The following PLCH1 variants were observed in gnomAD, a reference collection of about 807,000 sequenced individuals.
The protein encoded by PLCH1 is phospholipase C eta 1, also known as 1-phosphatidylinositol 4,5-bisphosphate phosphodiesterase eta-1.
Under a neutral mutation model 126.7 loss-of-function variants are expected in PLCH1, and 60 were observed. That is an observed-to-expected ratio of 0.47 (90% CI 0.38 to 0.59). The LOEUF (loss-of-function observed/expected upper bound fraction) is 0.59. Ranked by LOEUF, PLCH1 falls within the 20% of genes least tolerant of loss-of-function variation. The pLI, the probability that PLCH1 is intolerant of heterozygous loss-of-function variation, is 0.00. For synonymous variants in PLCH1, 719 were observed against 734.9 expected, an observed-to-expected ratio of 0.98 and a Z score of 0.35; for missense variants, 1,723 against 2,040.0, an observed-to-expected ratio of 0.84 and a Z score of 2.99.
chr3:155,535,327 T>C (rs1723205498), intron 10 of PLCH1, among the ~76,000 whole-genome samples: 1 of 152,030 alleles, frequency 6.6e-6, no homozygotes, highest in Non-Finnish European at 1.5e-5. Context: ...ACAGAGGCCA[T>C]GGCAGGTGGG....
rs760058547 is a variant in PLCH1, at chr3:155,596,275, T to C, written c.183A>G (p.Thr61=). 1 of 1,613,374 alleles carries C rather than the reference T, an allele frequency of 6.2e-7. No individual in the cohort carries two copies. Among genetic ancestry groups the C allele is most frequent in the Admixed American group, 1.7e-5 (1 of 59,974 alleles). Residue 61 remains threonine, a synonymous_variant, in exon 3 of 23, where the codon ACA becomes ACG. Coordinates refer to ENST00000460012, the MANE Select transcript of PLCH1 (RefSeq NM_014996.4). ...TCCTAGAGGGTCGCCATCGGAGGCGTGTCCGGTGCTCATCCAGGTAAAAGA... is the reference window on the plus strand; with the variant it reads ...TCCTAGAGGGTCGCCATCGGAGGCGCGTCCGGTGCTCATCCAGGTAAAAGA... ...VRLFYLDEHR[T]RLRWRPSRKS...
chr3:155,514,312 G>A (rs1418522456), intron 12 of PLCH1, among the ~76,000 whole-genome samples: 1 of 152,110 alleles, frequency 6.6e-6, no homozygotes, highest in Admixed American at 6.5e-5. Context: ...ATCCAAGGGC[G>A]GTCACCCCCA....
chr3:155,671,424 G>A (rs557167504), intron 2 of PLCH1, among the ~76,000 whole-genome samples: 4 of 152,254 alleles, frequency 2.6e-5, no homozygotes, highest in African/African-American at 9.6e-5. Context: ...CGGTTACTTT[G>A]ATGAGCATTT....
At chr3:155,729,557 G>A (rs1172735912) in intron 1 of PLCH1, among the ~76,000 whole-genome samples, 2 of 152,150 alleles carry the variant, frequency 1.3e-5, no homozygotes, top group African/African-American at 4.8e-5. Flanking sequence ...TCTGTTCCTG[G>A]TTATAAAAGG....
At chr3:155,592,940 C>T (rs1732404155) in intron 4 of PLCH1, among the ~76,000 whole-genome samples, 1 of 152,084 alleles carries the variant, frequency 6.6e-6, no homozygotes. Flanking sequence ...TTGATGAAAA[C>T]CTCATGGCTC....
chr3:155,736,639 T>C (rs1056691561), intron 1 of PLCH1, among the ~76,000 whole-genome samples: 4 of 152,258 alleles, frequency 2.6e-5, no homozygotes, highest in Non-Finnish European at 4.4e-5. Context: ...AAGAAAACTA[T>C]TAAAAATTGC....
chr3:155,538,512 C>G (rs1416783017), intron 10 of PLCH1, among the ~76,000 whole-genome samples: 1 of 151,746 alleles, frequency 6.6e-6, no homozygotes, highest in Non-Finnish European at 1.5e-5. Flanking sequence ...CAAGATTAAC[C>G]AACAAAAGAA....
rs556038959 is a variant in PLCH1, at chr3:155,609,016, G to A, written c.80-12638C>T. Among the ~76,000 whole-genome samples, 12 of 152,258 alleles carry A rather than the reference G, an allele frequency of 7.9e-5. 1 individual carries two copies. In the South Asian group the frequency reaches 2.5e-3, roughly 32 times the overall value. On this transcript the variant is annotated intron_variant, in intron 2 of 22. Coordinates refer to ENST00000460012, the MANE Select transcript of PLCH1 (RefSeq NM_014996.4). ...AAAACAATAGCAAATTCCATCTCAT[G>A]CAACATACTGGCTAACCAGAGGTCC... is the stretch of plus-strand genomic sequence containing the variant.
intron 2 of PLCH1, among the ~76,000 whole-genome samples, chr3:155,600,700 C>A (rs182429389): frequency 8.5e-5 from 13 of 152,118 alleles, no homozygotes; most frequent in East Asian, 3.9e-4. Flanking sequence ...ATGCTCTAGA[C>A]CTTCACACTT....
rs138935731 is a variant in PLCH1, at chr3:155,550,370, T to A, written c.1191-412A>T. 2.9e-4 allele frequency among the ~76,000 whole-genome samples: 44 copies of A among 152,316 alleles called. 1 individual carries two copies. The East Asian group carries it at 6.7e-3, about 23-fold the overall frequency. On this transcript the variant is annotated intron_variant, in intron 9 of 22. Coordinates refer to ENST00000460012, the MANE Select transcript of PLCH1 (RefSeq NM_014996.4). ...TAAGAGACCACTGAATGTCATTAAA[T>A]GAAGCTATTGACTCTAAAATATATA...
chr3:155,740,809 C>T (rs1201077144), intron 1 of PLCH1, among the ~76,000 whole-genome samples: 2 of 152,284 alleles, frequency 1.3e-5, no homozygotes, highest in African/African-American at 4.8e-5. Flanking sequence ...CCCATTCTGC[C>T]ATTTATTAGC....
At chr3:155,733,089 T>C (rs1440905589) in intron 1 of PLCH1, among the ~76,000 whole-genome samples, 1 of 152,032 alleles carries the variant, frequency 6.6e-6, no homozygotes, top group Non-Finnish European at 1.5e-5. Context: ...GGGAAAGATA[T>C]CCTGTGTTCA....
chr3:155,588,938 A>G (rs1350661025), intron 4 of PLCH1, among the ~76,000 whole-genome samples: 1 of 152,220 alleles, frequency 6.6e-6, no homozygotes, highest in Non-Finnish European at 1.5e-5. Flanking sequence ...GTAACGGTCC[A>G]CATAGTATAC....
At chr3:155,657,168 A>T (rs1471061349) in intron 2 of PLCH1, among the ~76,000 whole-genome samples, 2 of 152,192 alleles carry the variant, frequency 1.3e-5, no homozygotes, top group African/African-American at 4.8e-5. Flanking sequence ...TGAGTAACCC[A>T]CATGAAACAA....
intron 1 of PLCH1, among the ~76,000 whole-genome samples, chr3:155,705,446 C>G (rs1438637200): frequency 6.6e-6 from 1 of 152,084 alleles, no homozygotes; most frequent in African/African-American, 2.4e-5. Flanking sequence ...ATCCTACTCC[C>G]TAAGGCTGAG....
intron 8 of PLCH1, 43 bp downstream of exon 8, chr3:155,564,871 CA>C (rs1728115912): frequency 1.6e-6 from 2 of 1,262,052 alleles, no homozygotes; most frequent in Non-Finnish European, 2.3e-6. Context: ...GATTAAAGGA[CA>C]GGGTCACCCA....
At chr3:155,626,925 G>C (rs1471935615) in intron 2 of PLCH1, among the ~76,000 whole-genome samples, 2 of 151,664 alleles carry the variant, frequency 1.3e-5, no homozygotes, top group East Asian at 3.9e-4. Context: ...TTACATAAAG[G>C]GTTCCTGCAA....
chr3:155,739,081 A>C (rs1749433146), intron 1 of PLCH1, among the ~76,000 whole-genome samples: 1 of 152,206 alleles, frequency 6.6e-6, no homozygotes, highest in Non-Finnish European at 1.5e-5. Flanking sequence ...TGCAAATCTA[A>C]AACCAGCTCA....
chr3:155,477,804 T>A (rs748604692), downstream of PLCH1, among the ~76,000 whole-genome samples: 1 of 152,122 alleles, frequency 6.6e-6, no homozygotes, highest in Non-Finnish European at 1.5e-5. Flanking sequence ...GGTGGGAATA[T>A]AAATTAGCAT....
Sources: gnomAD v4.1 joint callset for allele counts (sites outside exome capture counted in the v4.1 genomes callset) on GRCh38, gnomAD v4.1.1 for gene constraint, MANE v1.5 for transcripts, NCBI Gene and HGNC (gene_info 2026-07-23, HGNC 2026-07-21) for gene names.